Variants in GRAMD1B observed in about 807,000 individuals in gnomAD.
GRAMD1B encodes the protein protein Aster-B.
In GRAMD1B, 37 loss-of-function variants were observed where a neutral mutation model predicts 99.7. That is an observed-to-expected ratio of 0.37 (90% CI 0.29 to 0.49). The LOEUF is 0.49. Ranked by LOEUF, GRAMD1B falls within the 20% of genes least tolerant of loss-of-function variation. The probability of loss-of-function intolerance (pLI) is 0.98; values close to 1 mark genes in which losing one functional copy is unlikely to be tolerated. For synonymous variants in GRAMD1B, 427 were observed against 387.6 expected, an observed-to-expected ratio of 1.10 and a Z score of -1.19; for missense variants, 888 against 1,009.2, an observed-to-expected ratio of 0.88 and a Z score of 1.63.
intron 2 of GRAMD1B, among the ~76,000 whole-genome samples, chr11:123,520,789 AAAAAG>A (rs1287071488): frequency 1.3e-5 from 2 of 150,378 alleles, no homozygotes; most frequent in Admixed American, 6.6e-5. Context: ...AAAAAAAAAA[AAAAAG>A]AAAGAAAGAA....
chr11:123,427,812 G>C (rs970227639), upstream of GRAMD1B, among the ~76,000 whole-genome samples: 8 of 152,180 alleles, frequency 5.3e-5, no homozygotes, highest in Non-Finnish European at 1.2e-4. Flanking sequence ...CTCAGGCCGG[G>C]TGAAATGTAA....
chr11:123,455,601 G>A lies in GRAMD1B; in HGVS notation c.374+24435G>A, dbSNP rs372433475. Among the ~76,000 whole-genome samples the A allele has an allele frequency of 1.8e-4, 28 of 152,264 alleles. No homozygotes were observed. The East Asian group carries it at 5.4e-3, about 29-fold the overall frequency. ...AAAGCCACGGACTCTGGAGTGATCT[G>A]CATGGATTCTGTCCAGGCTCTGCCA... is the stretch of plus-strand genomic sequence containing the variant. On this transcript the variant is annotated intron_variant, in intron 1 of 19. Transcript: ENST00000635736.
At chr11:123,373,683 C>T (rs528314013) in intron 1 of GRAMD1B, among the ~76,000 whole-genome samples, 2 of 152,244 alleles carry the variant, frequency 1.3e-5, no homozygotes, top group South Asian at 4.2e-4. Context: ...TGACTATGAA[C>T]AAGAAATTGA....
chr11:123,588,485 A>G (rs999743571), intron 4 of GRAMD1B, among the ~76,000 whole-genome samples: 2 of 152,048 alleles, frequency 1.3e-5, no homozygotes, highest in African/African-American at 2.4e-5. Flanking sequence ...CTGTAGCAAT[A>G]CTCAAATGTT....
intron 2 of GRAMD1B, among the ~76,000 whole-genome samples, chr11:123,489,142 T>TA (rs200180614): frequency 0.015 from 2,236 of 148,946 alleles, 30 homozygotes; most frequent in Non-Finnish European, 0.023. Context: ...CTAGAAGAGT[T>TA]AAAAAAAAAA....
chr11:123,606,714 C>G lies in GRAMD1B; in HGVS notation c.1429C>G (p.Pro477Ala). The G allele has an allele frequency of 1.9e-6, 3 of 1,613,620 alleles. No individual in the cohort carries two copies. Among genetic ancestry groups the G allele is most frequent in the Non-Finnish European group, 1.7e-6 (2 of 1,179,686 alleles). The change falls in exon 11 of 20, where the codon CCT (proline) becomes GCT (alanine). Residue 477 changes from proline (P) to alanine (A), a missense_variant. By Grantham distance (27) the Pro-to-Ala change is conservative (BLOSUM62 -1). This residue lies in a region of GRAMD1B where 269 missense variants were observed against 296.6 expected (regional missense o/e 0.91). Transcript: ENST00000635736. Reference sequence around the variant, plus strand: ...GGGGGAGAAGATTGAGATGATCGCTCCTGTGAACTCCCCTTCACTGGACTT... The same window carrying G: ...GGGGGAGAAGATTGAGATGATCGCTGCTGTGAACTCCCCTTCACTGGACTT... ...IMGEKIEMIA[P>A]VNSPSLDFND...
chr11:123,482,820 A>ATT (rs1477108065), intron 2 of GRAMD1B, among the ~76,000 whole-genome samples: 3 of 152,160 alleles, frequency 2.0e-5, no homozygotes, highest in African/African-American at 7.2e-5. Flanking sequence ...GCACTTTGGG[A>ATT]AGCCAAGGTA....
chr11:123,566,128 T>G (rs114002928), intron 2 of GRAMD1B, among the ~76,000 whole-genome samples: 1,765 of 152,298 alleles, frequency 0.012, 32 homozygotes, highest in African/African-American at 0.04. Context: ...TCTTTACTTT[T>G]GGGATGCATG....
chr11:123,381,770 C>T (rs1253157808), intron 1 of GRAMD1B, among the ~76,000 whole-genome samples: 2 of 152,128 alleles, frequency 1.3e-5, no homozygotes, highest in Non-Finnish European at 2.9e-5. Flanking sequence ...AAAAATTAAT[C>T]CCATACTTGA....
intron 18 of GRAMD1B, 74 bp from the exon 19 acceptor site, chr11:123,619,033 A>T: frequency 1.2e-6 from 1 of 811,688 alleles, no homozygotes; most frequent in Non-Finnish European, 2.0e-6. Context: ...TCTGTCCTTT[A>T]GGGGTCTGGG....
rs544063681 is a variant in GRAMD1B at position 123,576,442 on chromosome 11, C to T, written c.453-925C>T. ...TCCATCTCTTTCCTTTCTCCACTCT[C>T]GGAAGCAAAGCAAACATTCAACTGC... On this transcript the variant is annotated intron_variant, in intron 2 of 19. Coordinates refer to ENST00000635736, the MANE Select transcript of GRAMD1B (RefSeq NM_001387025.1). 1.6e-4 allele frequency among the ~76,000 whole-genome samples: 25 copies of T among 152,350 alleles called. 1 individual carries two copies. The South Asian group carries it at 2.5e-3, about 15-fold the overall frequency.
chr11:123,593,923 C>T (rs767263161), intron 4 of GRAMD1B, among the ~76,000 whole-genome samples, 159 bp from the exon 5 acceptor site: 7 of 152,224 alleles, frequency 4.6e-5, no homozygotes, highest in East Asian at 1.9e-4. Context: ...TTCTCCACAC[C>T]GAGGCGCCGT....
chr11:123,404,802 A>G (rs573395581), intron 1 of GRAMD1B, among the ~76,000 whole-genome samples: 1 of 152,248 alleles, frequency 6.6e-6, no homozygotes, highest in Non-Finnish European at 1.5e-5. Flanking sequence ...ACTCATCGTT[A>G]AGAGACAAAC....
intron 2 of GRAMD1B, among the ~76,000 whole-genome samples, chr11:123,575,183 T>G (rs1336713865): frequency 6.6e-6 from 1 of 152,170 alleles, no homozygotes; most frequent in Non-Finnish European, 1.5e-5. Flanking sequence ...CTCCTCTGGT[T>G]AGAGTGTGTT....
At chr11:123,549,637 G>A (rs1323929897) in intron 2 of GRAMD1B, among the ~76,000 whole-genome samples, 2 of 152,154 alleles carry the variant, frequency 1.3e-5, no homozygotes, top group African/African-American at 2.4e-5. Flanking sequence ...AACAGATGGG[G>A]AAACTGAGGC....
intron 2 of GRAMD1B, among the ~76,000 whole-genome samples, chr11:123,550,878 G>C (rs980985903): frequency 7.2e-5 from 11 of 152,286 alleles, no homozygotes; most frequent in Middle Eastern, 6.8e-3. Flanking sequence ...AATTCCCTGA[G>C]CCTCAGTTTG....
chr11:123,431,762 A>G (rs1434427508), intron 1 of GRAMD1B, among the ~76,000 whole-genome samples: 1 of 152,244 alleles, frequency 6.6e-6, no homozygotes, highest in East Asian at 1.9e-4. Flanking sequence ...TTAGACATCG[A>G]TACCTACAAG....
chr11:123,550,706 AT>A (rs1177741320), intron 2 of GRAMD1B, among the ~76,000 whole-genome samples: 1 of 152,154 alleles, frequency 6.6e-6, no homozygotes, highest in Non-Finnish European at 1.5e-5. Flanking sequence ...TAAGACCTTA[AT>A]CCAGGATTAA....
At chr11:123,479,307 A>T (rs1951463859) in intron 1 of GRAMD1B, among the ~76,000 whole-genome samples, 1 of 152,238 alleles carries the variant, frequency 6.6e-6, no homozygotes, top group Non-Finnish European at 1.5e-5. Flanking sequence ...GGAACATAAG[A>T]GCATGTGGTA....
Sources: gnomAD v4.1 joint callset for allele counts (sites outside exome capture counted in the v4.1 genomes callset) on GRCh38, gnomAD v4.1.1 for gene constraint, gnomAD v4.1.1 regional missense constraint, MANE v1.5 for transcripts, NCBI Gene and HGNC (gene_info 2026-07-23, HGNC 2026-07-21) for gene names.